Variants in ITPRID1 observed in about 807,000 individuals in gnomAD.
The protein encoded by ITPRID1 is ITPR interacting domain containing 1.
A neutral mutation model predicts 95.4 loss-of-function variants in ITPRID1; 96 were observed. That is an observed-to-expected ratio of 1.01 (90% CI 0.85 to 1.19). The LOEUF (loss-of-function observed/expected upper bound fraction) is 1.19, where lower values mean the gene tolerates loss of function less well. Ranked by LOEUF, ITPRID1 falls within the 50% of genes most tolerant of loss-of-function variation. The probability of loss-of-function intolerance (pLI) is 0.00; values close to 1 mark genes in which losing one functional copy is unlikely to be tolerated. For missense variants in ITPRID1, 1,339 were observed against 1,252.9 expected (o/e 1.07, Z -1.04); for synonymous variants, 510 against 453.6 (o/e 1.12, Z -1.58).
chr7:31,613,742 C>A (rs993873476), intron 10 of ITPRID1, among the ~76,000 whole-genome samples: 22 of 152,118 alleles, frequency 1.4e-4, no homozygotes, highest in African/African-American at 5.3e-4. Context: ...GTTAAATAAC[C>A]AACAGCACTC....
In ITPRID1 at chr7:31,656,318, C is replaced by G; in HGVS notation, c.*3489C>G. 1 of 203,530 alleles carries G rather than the reference C, an allele frequency of 4.9e-6. No homozygotes were observed. The highest frequency in any genetic ancestry group is 8.7e-6 in the Non-Finnish European group (1 of 115,020). The allele number at this position is 203,530 out of a possible 1,614,324, so 12.6% of individuals were successfully genotyped here. ...TCATGTGTGACCTCGGGCACTTGCTCTCTTTACCCTAGTTTCTTCCTCTGT... is the reference window on the plus strand; with the variant it reads ...TCATGTGTGACCTCGGGCACTTGCTGTCTTTACCCTAGTTTCTTCCTCTGT... On this transcript the variant is annotated 3_prime_UTR_variant, in exon 15 of 15. Transcript: ENST00000615280.
chr7:31,528,959 T>C (rs1783505587), intron 1 of ITPRID1, among the ~76,000 whole-genome samples: 3 of 152,228 alleles, frequency 2.0e-5, no homozygotes, highest in Admixed American at 2.0e-4. Flanking sequence ...TAGCATTATG[T>C]CATATATAAG....
intron 6 of ITPRID1, 43 bp from the exon 7 acceptor site, chr7:31,572,059 T>A (rs1300439097): frequency 2.3e-6 from 3 of 1,300,348 alleles, no homozygotes; most frequent in Admixed American, 3.6e-5. Flanking sequence ...CAGGAGACTA[T>A]CTAAATCAAC....
At chr7:31,529,674 C>A in intron 1 of ITPRID1, 2 of 1,085,000 alleles carry the variant, frequency 1.8e-6, no homozygotes, top group Non-Finnish European at 2.7e-6. Flanking sequence ...AAACTTGGGT[C>A]ATAGTTCTGC....
intron 1 of ITPRID1, among the ~76,000 whole-genome samples, chr7:31,519,620 C>CTCTCTCTCTATATATATATATATA: frequency 2.8e-4 from 7 of 25,262 alleles, no homozygotes; most frequent in Non-Finnish European, 3.6e-4. Flanking sequence ...CTCTCTCTCT[C>CTCTCTCTCTATATATATATATATA]TATATATATA....
chr7:31,577,773 T>C, intron 8 of ITPRID1, 90 bp from the exon 9 acceptor site: 2 of 1,096,996 alleles, frequency 1.8e-6, no homozygotes, highest in Non-Finnish European at 2.6e-6. Flanking sequence ...GAAAATTTCA[T>C]GTTAACGGAC....
rs1644567468 is a variant in ITPRID1 at position 31,656,035 on chromosome 7, A to C, written c.*3206A>C. The C allele has an allele frequency of 1.0e-6, 1 of 983,000 alleles. No individual in the cohort carries two copies. The highest frequency in any genetic ancestry group is 1.2e-6 in the Non-Finnish European group (1 of 827,916). 60.9% of individuals were successfully genotyped at this position (983,000 alleles called of 1,614,324 possible). A position where few individuals can be genotyped will look rare whatever the true frequency, so the allele number is the denominator to read the frequency against. ...GCTGAAACAAATGAAGTATCTCACC[A>C]GTAAGTCCTAGGGCAGACCCCATCT... On this transcript the variant is annotated 3_prime_UTR_variant, in exon 15 of 15. Coordinates refer to ENST00000615280, the MANE Select transcript of ITPRID1 (RefSeq NM_001257967.3).
At chr7:31,534,509 CT>C (rs971072711) in intron 1 of ITPRID1, among the ~76,000 whole-genome samples, 5 of 152,016 alleles carry the variant, frequency 3.3e-5, no homozygotes, top group African/African-American at 1.2e-4. Flanking sequence ...GATAACATTG[CT>C]TTTTTTACTC....
chr7:31,613,636 C>A (rs1042829872), intron 10 of ITPRID1, among the ~76,000 whole-genome samples: 1 of 152,132 alleles, frequency 6.6e-6, no homozygotes, highest in East Asian at 1.9e-4. Context: ...GAAAGACATT[C>A]TTGTTTAAGG....
At chr7:31,521,904 A>ATT (rs55777151) in intron 1 of ITPRID1, among the ~76,000 whole-genome samples, 2 of 119,020 alleles carry the variant, frequency 1.7e-5, no homozygotes, top group African/African-American at 3.3e-5. Flanking sequence ...GGCTAATTTA[A>ATT]TTTTTTTTTT....
intron 9 of ITPRID1, among the ~76,000 whole-genome samples, chr7:31,579,468 G>A (rs536395344): frequency 6.6e-6 from 1 of 152,308 alleles, no homozygotes; most frequent in South Asian, 2.1e-4. Context: ...GAACTACAGA[G>A]AAGTGGCAGG....
At chr7:31,533,445 T>G in intron 1 of ITPRID1, among the ~76,000 whole-genome samples, 1 of 152,300 alleles carries the variant, frequency 6.6e-6, no homozygotes, top group South Asian at 2.1e-4. Flanking sequence ...AAAATTATCT[T>G]TGTTATCTGT....
intron 10 of ITPRID1, among the ~76,000 whole-genome samples, chr7:31,622,326 A>G (rs1294483397): frequency 6.6e-6 from 1 of 151,992 alleles, no homozygotes; most frequent in Non-Finnish European, 1.5e-5. Flanking sequence ...ACCACACCAC[A>G]CCTATTCAAA....
intron 1 of ITPRID1, among the ~76,000 whole-genome samples, chr7:31,514,840 ATATAC>A (rs1478471635): frequency 6.6e-6 from 1 of 151,860 alleles, no homozygotes; most frequent in Non-Finnish European, 1.5e-5. Flanking sequence ...ATTGCTTTAT[ATATAC>A]TATAAACATG....
chr7:31,648,922 AT>A, intron 12 of ITPRID1, among the ~76,000 whole-genome samples: 1 of 152,356 alleles, frequency 6.6e-6, no homozygotes, highest in African/African-American at 2.4e-5. Context: ...TTAACTAGCC[AT>A]TCTATGTCAG....
At chr7:31,529,326 T>C (rs556560527) in intron 1 of ITPRID1, 1 of 156,956 alleles carries the variant, frequency 6.4e-6, no homozygotes, top group East Asian at 1.9e-4. Flanking sequence ...GGTAGCCAAA[T>C]GAAGACAAGT....
chr7:31,533,935 A>G (rs531706529), intron 1 of ITPRID1, among the ~76,000 whole-genome samples: 6 of 152,276 alleles, frequency 3.9e-5, no homozygotes, highest in Non-Finnish European at 4.4e-5. Flanking sequence ...CCTGCTACAA[A>G]CCAGGCGACC....
chr7:31,557,235 A>G (rs780798695), intron 5 of ITPRID1, among the ~76,000 whole-genome samples: 48 of 152,144 alleles, frequency 3.2e-4, no homozygotes, highest in Non-Finnish European at 8.8e-5. Flanking sequence ...ACTAGAATTC[A>G]TTCTAAGGCT....
At chr7:31,619,450 TA>T (rs1787589549) in intron 10 of ITPRID1, among the ~76,000 whole-genome samples, 2 of 152,304 alleles carry the variant, frequency 1.3e-5, no homozygotes, top group Admixed American at 1.3e-4. Context: ...GTTTCAACTG[TA>T]TGTGTAGAGC....
Sources: gnomAD v4.1 joint callset for allele counts (sites outside exome capture counted in the v4.1 genomes callset) on GRCh38, gnomAD v4.1.1 for gene constraint, MANE v1.5 for transcripts, NCBI Gene and HGNC (gene_info 2026-07-23, HGNC 2026-07-21) for gene names.